The following SLCO1A2 variants were observed in gnomAD, a reference collection of about 807,000 sequenced individuals.
The protein encoded by SLCO1A2 is OATP-1.
SLCO1A2 carries 67 observed loss-of-function variants against 69.0 expected under a neutral mutation model. That is an observed-to-expected ratio of 0.97 (90% CI 0.80 to 1.19). The LOEUF is 1.19. Ranked by LOEUF, SLCO1A2 falls within the 50% of genes most tolerant of loss-of-function variation. SLCO1A2 has a pLI of 0.00. For synonymous variants in SLCO1A2, 260 were observed against 265.9 expected (o/e 0.98, Z 0.22); for missense variants, 787 against 793.7 (o/e 0.99, Z 0.10).
upstream of SLCO1A2, among the ~76,000 whole-genome samples, chr12:21,336,955 A>G (rs1223165018): frequency 6.6e-6 from 1 of 152,072 alleles, no homozygotes; most frequent in Non-Finnish European, 1.5e-5. Context: ...ACTCTTTCTC[A>G]GCATTCAAAT....
At chr12:21,286,062 T>A (rs1184947831) in intron 12 of SLCO1A2, among the ~76,000 whole-genome samples, 1 of 151,596 alleles carries the variant, frequency 6.6e-6, no homozygotes, top group Non-Finnish European at 1.5e-5. Flanking sequence ...AAAGAGGAAG[T>A]CAAATTGTCC....
At chr12:21,346,447 C>T (rs901654337) in intron 2 of SLCO1A2, among the ~76,000 whole-genome samples, 4 of 151,480 alleles carry the variant, frequency 2.6e-5, no homozygotes, top group African/African-American at 9.7e-5. Context: ...GAAAAATGTC[C>T]ATTGGTAGCG....
chr12:21,291,429 G>A (rs1591800048), intron 12 of SLCO1A2, among the ~76,000 whole-genome samples: 1 of 152,132 alleles, frequency 6.6e-6, no homozygotes, highest in African/African-American at 2.4e-5. Flanking sequence ...TAAAATAAGA[G>A]AGAATCCTTG....
At chr12:21,324,664 T>G (rs1565499695) in intron 2 of SLCO1A2, 1 of 152,206 alleles carries the variant, frequency 6.6e-6, no homozygotes, top group Non-Finnish European at 1.5e-5. Flanking sequence ...ACCCAATTGC[T>G]CTAAAGAATA....
upstream of SLCO1A2, among the ~76,000 whole-genome samples, chr12:21,336,130 A>G (rs1253799283): frequency 6.6e-6 from 1 of 151,864 alleles, no homozygotes; most frequent in Non-Finnish European, 1.5e-5. Context: ...TTAGAACCCA[A>G]TCTCTCTCCC....
At chr12:21,390,975 T>A (rs1174511774) in intron 1 of SLCO1A2, among the ~76,000 whole-genome samples, 1 of 152,184 alleles carries the variant, frequency 6.6e-6, no homozygotes, top group African/African-American at 2.4e-5. Flanking sequence ...CTAAGCCACA[T>A]TCTATTTTCT....
At chr12:21,336,159 C>G (rs925942428), upstream of SLCO1A2, among the ~76,000 whole-genome samples, 2 of 151,902 alleles carry the variant, frequency 1.3e-5, no homozygotes, top group African/African-American at 4.8e-5. Flanking sequence ...TTCTCTCTCT[C>G]CTAACCATTA....
intron 1 of SLCO1A2, among the ~76,000 whole-genome samples, chr12:21,389,059 C>T (rs2137147674): frequency 6.6e-6 from 1 of 152,248 alleles, no homozygotes; most frequent in Non-Finnish European, 1.5e-5. Flanking sequence ...GTACATGTTG[C>T]CCTGTCAATA....
chr12:21,306,409 T>C (rs1335084377), intron 5 of SLCO1A2, among the ~76,000 whole-genome samples: 1 of 151,964 alleles, frequency 6.6e-6, no homozygotes, highest in African/African-American at 2.4e-5. Context: ...CACTGCAACC[T>C]CTGCCACCTG....
intron 1 of SLCO1A2, among the ~76,000 whole-genome samples, chr12:21,406,506 C>A (rs535221028): frequency 3.3e-5 from 5 of 152,252 alleles, no homozygotes; most frequent in Admixed American, 3.3e-4. Flanking sequence ...AAGCTTCAAG[C>A]GGCAGGATTG....
chr12:21,412,596 C>T (rs1006273537), intron 1 of SLCO1A2, among the ~76,000 whole-genome samples: 2 of 152,092 alleles, frequency 1.3e-5, no homozygotes, highest in African/African-American at 2.4e-5. Context: ...ATTTGCCTTT[C>T]TTCACCTTTG....
At chr12:21,350,747 G>T (rs1279641530) in intron 2 of SLCO1A2, among the ~76,000 whole-genome samples, 2 of 132,510 alleles carry the variant, frequency 1.5e-5, no homozygotes, top group Non-Finnish European at 3.1e-5. Context: ...CGAGGCAGGG[G>T]AATCACTTGA....
chr12:21,286,966 C>T (rs866221704), intron 12 of SLCO1A2, among the ~76,000 whole-genome samples: 1,623 of 149,680 alleles, frequency 0.011, 29 homozygotes, highest in African/African-American at 0.038. Context: ...ACTTCATGTC[C>T]AAAACACCAA....
intron 2 of SLCO1A2, among the ~76,000 whole-genome samples, chr12:21,354,218 C>T (rs1269003293): frequency 6.6e-6 from 1 of 152,180 alleles, no homozygotes; most frequent in African/African-American, 2.4e-5. Context: ...CAGTCCTCTG[C>T]GGACACTGTG....
upstream of SLCO1A2, among the ~76,000 whole-genome samples, chr12:21,398,233 A>C (rs1388226448): frequency 6.6e-6 from 1 of 151,294 alleles, no homozygotes; most frequent in African/African-American, 2.4e-5. Flanking sequence ...CCATCAGAGA[A>C]TACTACAAAC....
chr12:21,370,571 C>T (rs867443805), intron 2 of SLCO1A2, among the ~76,000 whole-genome samples: 6 of 147,254 alleles, frequency 4.1e-5, no homozygotes, highest in South Asian at 4.3e-4. Flanking sequence ...TGAGTGAGAA[C>T]GTGCAGTGTT....
At chr12:21,276,363 G>T (rs528747946) in intron 12 of SLCO1A2, among the ~76,000 whole-genome samples, 2 of 149,728 alleles carry the variant, frequency 1.3e-5, no homozygotes, top group Non-Finnish European at 3.0e-5. Context: ...CTACTTATGC[G>T]TAGAGATGAT....
intron 1 of SLCO1A2, among the ~76,000 whole-genome samples, chr12:21,400,584 T>G (rs1941657201): frequency 6.6e-6 from 1 of 152,124 alleles, no homozygotes; most frequent in South Asian, 2.1e-4. Context: ...ACATGTATGT[T>G]TATTGCGGCT....
At chr12:21,356,961 T>A (rs897215396) in intron 2 of SLCO1A2, among the ~76,000 whole-genome samples, 2 of 151,826 alleles carry the variant, frequency 1.3e-5, no homozygotes, top group Non-Finnish European at 2.9e-5. Context: ...ATAAATATAA[T>A]AAAGTCTCAA....
Sources: gnomAD v4.1 joint callset for allele counts (sites outside exome capture counted in the v4.1 genomes callset) on GRCh38, gnomAD v4.1.1 for gene constraint, MANE v1.5 for transcripts, NCBI Gene and HGNC (gene_info 2026-07-23, HGNC 2026-07-21) for gene names.